The following CNTN3 variants were observed in gnomAD, a reference collection of about 807,000 sequenced individuals.
CNTN3 encodes contactin 3.
CNTN3 carries 60 observed loss-of-function variants against 119.1 expected under a neutral mutation model. That is an observed-to-expected ratio of 0.50 (90% CI 0.41 to 0.62). The LOEUF is 0.62. CNTN3 is among the 20% of genes least tolerant of loss of function. CNTN3 has a pLI of 0.00. For synonymous variants in CNTN3, 450 were observed against 438.7 expected, an observed-to-expected ratio of 1.03 and a Z score of -0.32; for missense variants, 1,101 against 1,242.4, an observed-to-expected ratio of 0.89 and a Z score of 1.71.
At chr3:74,564,314 G>A (rs1356743760) in intron 1 of CNTN3, among the ~76,000 whole-genome samples, 1 of 152,108 alleles carries the variant, frequency 6.6e-6, no homozygotes, top group Non-Finnish European at 1.5e-5. Flanking sequence ...AAGGATGGGA[G>A]TGGCTGCTGA....
In CNTN3 at chr3:74,614,549, C is replaced by G. The variant is rs1380112773; in HGVS notation, c.-239G>C. Among the ~76,000 whole-genome samples the G allele has an allele frequency of 2.0e-5, 3 of 147,928 alleles. No homozygotes were observed. Among genetic ancestry groups the G allele is most frequent in the African/African-American group, 7.3e-5 (3 of 40,926 alleles). ...GCCGCCGCCGCAGGCGCAGCACCCT[C>G]GTCCGCACGGTTCCCGGCCCAGTCC... On this transcript the variant is annotated 5_prime_UTR_variant, in exon 1 of 23. Transcript: ENST00000263665.
At chr3:74,525,786 G>A (rs925081960) in intron 1 of CNTN3, among the ~76,000 whole-genome samples, 3 of 151,798 alleles carry the variant, frequency 2.0e-5, no homozygotes, top group African/African-American at 7.2e-5. Flanking sequence ...AAAAATGCTA[G>A]ACCTTGGACT....
Position 74,581,097 on chromosome 3 carries a change from A to G in CNTN3, c.-81+33294T>C, listed in dbSNP as rs558777328. On this transcript the variant is annotated intron_variant, in intron 1 of 22. Coordinates refer to ENST00000263665, the MANE Select transcript of CNTN3 (RefSeq NM_020872.3). The stretch of plus-strand genomic sequence containing the variant: ...AAGAAGGTAAGGATAACCTTTCTCA[A>G]TATTTCTACTCACCATTATACTAAA... 3.9e-5 allele frequency among the ~76,000 whole-genome samples: 6 copies of G among 152,322 alleles called. No individual in the cohort carries two copies. The South Asian group carries it at 1.0e-3, about 26-fold the overall frequency.
At chr3:74,401,603 T>C (rs4677388) in intron 5 of CNTN3, among the ~76,000 whole-genome samples, 56,534 of 151,974 alleles carry the variant, frequency 0.37, 11,340 homozygotes, top group East Asian at 0.64. Context: ...AGAATAATGC[T>C]ACAATGTATG....
intron 13 of CNTN3, among the ~76,000 whole-genome samples, chr3:74,316,876 C>T (rs569123666): frequency 2.1e-4 from 32 of 151,038 alleles, no homozygotes; most frequent in East Asian, 2.0e-4. Context: ...TGCAATCAGC[C>T]GAGACCGCAC....
chr3:74,347,993 G>GA (rs1000823353), intron 11 of CNTN3, among the ~76,000 whole-genome samples: 9 of 151,402 alleles, frequency 5.9e-5, no homozygotes, highest in African/African-American at 1.7e-4. Context: ...TTTACAGTTG[G>GA]AAAAAAAAAG....
chr3:74,502,296 G>A (rs752238749), intron 2 of CNTN3, among the ~76,000 whole-genome samples: 3 of 152,160 alleles, frequency 2.0e-5, no homozygotes, highest in Non-Finnish European at 4.4e-5. Context: ...AAGGCAAAGA[G>A]AGGTGTTCAA....
At chr3:74,366,798 A>ATATATATG (rs1704204699) in intron 8 of CNTN3, among the ~76,000 whole-genome samples, 1 of 132,946 alleles carries the variant, frequency 7.5e-6, no homozygotes, top group African/African-American at 2.9e-5. Context: ...ATATATATAT[A>ATATATATG]TATATATATA....
intron 4 of CNTN3, among the ~76,000 whole-genome samples, chr3:74,464,374 A>AG (rs1575752159): frequency 6.6e-6 from 1 of 152,194 alleles, no homozygotes; most frequent in East Asian, 1.9e-4. Flanking sequence ...AACCCAAGCT[A>AG]ATATATTCTG....
At chr3:74,545,609 C>T (rs940172316) in intron 1 of CNTN3, among the ~76,000 whole-genome samples, 3 of 152,088 alleles carry the variant, frequency 2.0e-5, no homozygotes, top group Non-Finnish European at 2.9e-5. Context: ...AAAAGTAATT[C>T]GTTTAAATAG....
At chr3:74,393,531 C>T (rs950077721) in intron 5 of CNTN3, among the ~76,000 whole-genome samples, 5 of 152,192 alleles carry the variant, frequency 3.3e-5, no homozygotes, top group Non-Finnish European at 5.9e-5. Flanking sequence ...AGGGAGCTAA[C>T]ACTTAAACCA....
chr3:74,427,474 T>C (rs752940764), intron 4 of CNTN3, among the ~76,000 whole-genome samples: 1 of 152,148 alleles, frequency 6.6e-6, no homozygotes, highest in Non-Finnish European at 1.5e-5. Flanking sequence ...CTAGGAACTA[T>C]GAGAAAAGAG....
intron 4 of CNTN3, among the ~76,000 whole-genome samples, chr3:74,453,594 T>C (rs1702204132): frequency 6.6e-6 from 1 of 151,794 alleles, no homozygotes; most frequent in African/African-American, 2.4e-5. Context: ...TCTAGTTCTT[T>C]TAATTGTGAT....
intron 5 of CNTN3, among the ~76,000 whole-genome samples, chr3:74,373,409 A>G (rs191375105): frequency 6.6e-6 from 1 of 152,172 alleles, no homozygotes; most frequent in East Asian, 1.9e-4. Flanking sequence ...TGAAACTAAC[A>G]AGGTTGTCCT....
chr3:74,338,640 C>G (rs924209293), intron 11 of CNTN3, among the ~76,000 whole-genome samples: 12 of 152,204 alleles, frequency 7.9e-5, no homozygotes, highest in Admixed American at 3.3e-4. Context: ...CCTGGTTACA[C>G]TTCCTTCAGT....
chr3:74,588,738 G>A (rs940429737), intron 1 of CNTN3, among the ~76,000 whole-genome samples: 2 of 152,120 alleles, frequency 1.3e-5, no homozygotes, highest in Admixed American at 6.6e-5. Context: ...AAACAGCATG[G>A]TACTGGTACC....
At chr3:74,515,877 A>G (rs1336024532) in intron 2 of CNTN3, among the ~76,000 whole-genome samples, 2 of 151,984 alleles carry the variant, frequency 1.3e-5, no homozygotes, top group East Asian at 3.9e-4. Context: ...TATTAGTTGA[A>G]AATCTTCAGA....
chr3:74,460,394 G>C (rs941096156), intron 4 of CNTN3, among the ~76,000 whole-genome samples: 1 of 151,974 alleles, frequency 6.6e-6, no homozygotes, highest in Middle Eastern at 3.4e-3. Flanking sequence ...TTACTGTATT[G>C]AATATTTTAA....
chr3:74,460,925 C>G (rs1317997871), intron 4 of CNTN3, among the ~76,000 whole-genome samples: 1 of 149,704 alleles, frequency 6.7e-6, no homozygotes. Flanking sequence ...TATTTCCAGT[C>G]TTATTAGGAA....
Sources: allele counts gnomAD v4.1 joint callset (sites outside exome capture counted in the v4.1 genomes callset), GRCh38; gene constraint gnomAD v4.1.1; transcripts MANE v1.5; gene names NCBI Gene and HGNC (gene_info 2026-07-23, HGNC 2026-07-21).